Variants in FOXP2 observed in about 807,000 individuals in gnomAD.
FOXP2 encodes the protein forkhead box P2, also known as forkhead box protein P2.
A neutral mutation model predicts 115.8 loss-of-function variants in FOXP2; 12 were observed. The ratio of observed to expected loss-of-function variants is 0.10; its 90% CI spans 0.07 to 0.17. FOXP2 has a LOEUF of 0.17. Among genes scored for constraint, FOXP2 ranks in the 10% least tolerant of loss-of-function variants. The pLI is 1.00. For missense variants in FOXP2, 629 were observed against 843.5 expected, an observed-to-expected ratio of 0.75 and a Z score of 3.15; for synonymous variants, 328 against 297.7, an observed-to-expected ratio of 1.10 and a Z score of -1.05.
At chr7:114,233,900 C>G (rs1201895133) in intron 1 of FOXP2, among the ~76,000 whole-genome samples, 3 of 152,164 alleles carry the variant, frequency 2.0e-5, no homozygotes, top group Non-Finnish European at 2.9e-5. Flanking sequence ...GTAATCCTAG[C>G]TACTTGGAAG....
chr7:114,511,116 A>G (rs1230648754), intron 2 of FOXP2, among the ~76,000 whole-genome samples: 4 of 152,176 alleles, frequency 2.6e-5, no homozygotes, highest in Non-Finnish European at 4.4e-5. Flanking sequence ...CAGAAAATCA[A>G]GCACTGCATG....
chr7:114,176,841 G>A (rs886225615), intron 1 of FOXP2, among the ~76,000 whole-genome samples: 7 of 152,040 alleles, frequency 4.6e-5, no homozygotes, highest in African/African-American at 1.7e-4. Flanking sequence ...TGCTTTATCT[G>A]CCTTTTAGTT....
At chr7:114,113,891 T>C (rs901647652) in intron 1 of FOXP2, among the ~76,000 whole-genome samples, 6 of 152,060 alleles carry the variant, frequency 3.9e-5, no homozygotes, top group African/African-American at 1.4e-4. Context: ...AATTTTAAAA[T>C]AACTTGAGAA....
At chr7:114,432,421 T>C (rs967302881) in intron 2 of FOXP2, among the ~76,000 whole-genome samples, 2 of 151,942 alleles carry the variant, frequency 1.3e-5, no homozygotes, top group African/African-American at 4.8e-5. Flanking sequence ...TTGGATTAAT[T>C]TACACTCTCT....
chr7:114,655,812 G>T (rs149108469), intron 10 of FOXP2, among the ~76,000 whole-genome samples: 6 of 152,064 alleles, frequency 3.9e-5, no homozygotes, highest in Admixed American at 1.3e-4. Context: ...AGGTGCAACC[G>T]CACTGTCTAT....
chr7:114,318,379 G>GTTTTTTTTTTTT (rs201941261), intron 2 of FOXP2, among the ~76,000 whole-genome samples: 1 of 116,826 alleles, frequency 8.6e-6, no homozygotes, highest in Non-Finnish European at 1.8e-5. Context: ...GTCTCTCTTT[G>GTTTTTTTTTTTT]TTTTTTTTTT....
intron 5 of FOXP2, chr7:114,630,725 A>G (rs1804855147): frequency 6.5e-6 from 1 of 153,536 alleles, no homozygotes; most frequent in Non-Finnish European, 1.4e-5. Context: ...TCAGACAGCC[A>G]TCAACTACAG....
chr7:114,563,319 G>A (rs933078089), intron 3 of FOXP2, among the ~76,000 whole-genome samples: 2 of 152,176 alleles, frequency 1.3e-5, no homozygotes, highest in Admixed American at 6.5e-5. Flanking sequence ...AGTAGATCCT[G>A]TCAAAACATT....
intron 1 of FOXP2, among the ~76,000 whole-genome samples, chr7:114,191,146 A>ACT (rs1163934310): frequency 6.6e-6 from 1 of 152,058 alleles, no homozygotes; most frequent in Non-Finnish European, 1.5e-5. Flanking sequence ...TTCCTCTTGA[A>ACT]CTTTCTATCC....
At chr7:114,395,901 G>A (rs976519068) in intron 2 of FOXP2, among the ~76,000 whole-genome samples, 16 of 151,826 alleles carry the variant, frequency 1.1e-4, no homozygotes, top group African/African-American at 3.4e-4. Flanking sequence ...TAACTACATA[G>A]TAGGCATTTA....
Position 114,414,907 on chromosome 7 carries a change from C to T in FOXP2, c.-464C>T. The T allele has an allele frequency of 1.6e-5, 6 of 370,376 alleles. No homozygotes were observed. The highest frequency in any genetic ancestry group is 1.2e-4 in the South Asian group (6 of 50,126). 22.9% of individuals were successfully genotyped at this position (370,376 alleles called of 1,614,324 possible). ...TTTCTCTCTCTCACACACACACTCA[C>T]ACACTCACACACATGCACACACACA... On this transcript the variant is annotated 5_prime_UTR_variant, in exon 1 of 17. Coordinates refer to ENST00000350908, the MANE Select transcript of FOXP2 (RefSeq NM_014491.4).
Position 114,121,739 on chromosome 7 carries a change from T to G in FOXP2, c.-247+33901T>G, listed in dbSNP as rs141441911. ...GGGATTAAGGACCTGAGTTGTTTAG[T>G]TAAGGAGATATGGGGAGGTTAAATT... On this transcript the variant is annotated intron_variant, in intron 1 of 19. Transcript: ENST00000635638. 2.8e-3 allele frequency among the ~76,000 whole-genome samples: 432 copies of G among 152,180 alleles called. 2 individuals carry two copies. The highest frequency in any genetic ancestry group is 9.9e-3 in the African/African-American group (413 of 41,532).
At chr7:114,171,307 C>G (rs558511110) in intron 1 of FOXP2, among the ~76,000 whole-genome samples, 2 of 152,118 alleles carry the variant, frequency 1.3e-5, no homozygotes, top group African/African-American at 4.8e-5. Context: ...GGTATGGTGG[C>G]TTACACCTGT....
chr7:114,402,473 G>A (rs1016480819), intron 2 of FOXP2, among the ~76,000 whole-genome samples: 1 of 152,130 alleles, frequency 6.6e-6, no homozygotes, highest in African/African-American at 2.4e-5. Context: ...GAAGTTTGCA[G>A]TAGACTTCAT....
At chr7:114,677,184 A>C (rs1198517356) in intron 16 of FOXP2, among the ~76,000 whole-genome samples, 3 of 150,130 alleles carry the variant, frequency 2.0e-5, no homozygotes, top group Non-Finnish European at 3.0e-5. Context: ...AAAAAAAAAA[A>C]AACAAAAAAA....
At chr7:114,265,242 TG>T (rs1176774896) in intron 1 of FOXP2, among the ~76,000 whole-genome samples, 1 of 151,958 alleles carries the variant, frequency 6.6e-6, no homozygotes, top group Non-Finnish European at 1.5e-5. Flanking sequence ...CAAGATACAA[TG>T]GGGGTATAGG....
chr7:114,384,126 T>A (rs1311807962), intron 2 of FOXP2, among the ~76,000 whole-genome samples: 1 of 152,032 alleles, frequency 6.6e-6, no homozygotes, highest in Non-Finnish European at 1.5e-5. Flanking sequence ...CGCTCGCCGA[T>A]GTAGCAGTCC....
At chr7:114,551,733 T>A (rs1800219568) in intron 3 of FOXP2, among the ~76,000 whole-genome samples, 1 of 152,120 alleles carries the variant, frequency 6.6e-6, no homozygotes, top group Non-Finnish European at 1.5e-5. Flanking sequence ...ATTTTAATAA[T>A]TTTTTTACAT....
In FOXP2 at chr7:114,523,454, A is replaced by G. The variant is rs73429328; in HGVS notation, c.169-11163A>G. Among the ~76,000 whole-genome samples the G allele has an allele frequency of 8.6e-3, 1,308 of 152,190 alleles. 15 individuals carry two copies. The highest frequency in any genetic ancestry group is 0.03 in the African/African-American group (1,248 of 41,532). On this transcript the variant is annotated intron_variant, in intron 2 of 16. Coordinates refer to ENST00000350908, the MANE Select transcript of FOXP2 (RefSeq NM_014491.4). ...AGCCTCGGTGACATATGCAGAGGCTATCTGCCTCAAGCCTCTTTCCTGTAG... is the reference window on the plus strand; with the variant it reads ...AGCCTCGGTGACATATGCAGAGGCTGTCTGCCTCAAGCCTCTTTCCTGTAG...
Sources: allele counts gnomAD v4.1 joint callset (sites outside exome capture counted in the v4.1 genomes callset), GRCh38; gene constraint gnomAD v4.1.1; transcripts MANE v1.5; gene names NCBI Gene and HGNC (gene_info 2026-07-23, HGNC 2026-07-21).